Variants in MKLN1 observed in about 807,000 individuals in gnomAD.
MKLN1 encodes the protein muskelin 1.
MKLN1 carries 18 observed loss-of-function variants against 99.0 expected under a neutral mutation model. That is an observed-to-expected ratio of 0.18 (90% confidence interval 0.13 to 0.27). The LOEUF is 0.27. Among genes scored for constraint, MKLN1 ranks in the 10% least tolerant of loss-of-function variants. The pLI, the probability that MKLN1 is intolerant of heterozygous loss-of-function variation, is 1.00. For missense variants in MKLN1, 621 were observed against 875.9 expected (o/e 0.71, Z 3.67); for synonymous variants, 288 against 293.2 (o/e 0.98, Z 0.18).
intron 3 of MKLN1, among the ~76,000 whole-genome samples, chr7:131,282,179 A>G (rs978950670): frequency 6.6e-6 from 1 of 151,690 alleles, no homozygotes; most frequent in Non-Finnish European, 1.5e-5. Flanking sequence ...GAGAAACTTC[A>G]TCTCTACTAA....
At chr7:131,325,458 G>A (rs1798865913), upstream of MKLN1, among the ~76,000 whole-genome samples, 1 of 152,128 alleles carries the variant, frequency 6.6e-6, no homozygotes, top group Non-Finnish European at 1.5e-5. Flanking sequence ...TGGGAGGCCA[G>A]GCCGAGGCAG....
intron 2 of MKLN1, among the ~76,000 whole-genome samples, chr7:131,171,354 A>C (rs562983524): frequency 6.6e-5 from 10 of 152,392 alleles, no homozygotes; most frequent in Non-Finnish European, 1.2e-4. Flanking sequence ...GCAAATTGGA[A>C]GAAGGGCAAT....
At chr7:131,144,410 A>C (rs891083503) in intron 2 of MKLN1, among the ~76,000 whole-genome samples, 1 of 151,454 alleles carries the variant, frequency 6.6e-6, no homozygotes, top group South Asian at 2.1e-4. Context: ...TGAACCTGGG[A>C]GGCGGAACTT....
chr7:131,225,174 T>C (rs2116461265), intron 3 of MKLN1, among the ~76,000 whole-genome samples: 1 of 152,130 alleles, frequency 6.6e-6, no homozygotes, highest in African/African-American at 2.4e-5. Context: ...CTCATGAACA[T>C]GTGGAATTTG....
chr7:131,250,589 G>A (rs1202299303), intron 3 of MKLN1, among the ~76,000 whole-genome samples: 3 of 152,168 alleles, frequency 2.0e-5, no homozygotes, highest in South Asian at 2.1e-4. Context: ...AGAGCCTTGG[G>A]TCACAAGGCT....
rs528696857 is a variant in MKLN1, at chr7:131,148,688, A to C, written c.-297+5747A>C. On this transcript the variant is annotated intron_variant, in intron 2 of 7. Coordinates refer to the MKLN1 transcript ENST00000416992. ...CTTGGGAGGCTGAAGTGGAAGAATCACTTGAACCCCAGGAGGTCAAGGCTG... is the reference window on the plus strand; with the variant it reads ...CTTGGGAGGCTGAAGTGGAAGAATCCCTTGAACCCCAGGAGGTCAAGGCTG... Among the ~76,000 whole-genome samples, 39 of 152,246 alleles carry C rather than the reference A, an allele frequency of 2.6e-4. 1 individual carries two copies. The highest frequency in any genetic ancestry group is 6.5e-4 in the Admixed American group (10 of 15,288).
chr7:131,118,872 GC>G, intron 1 of MKLN1, among the ~76,000 whole-genome samples: 1 of 152,288 alleles, frequency 6.6e-6, no homozygotes, highest in African/African-American at 2.4e-5. Context: ...CCAGGTCCCT[GC>G]CCTAACATTG....
chr7:131,378,601 G>A (rs971540305), intron 2 of MKLN1, among the ~76,000 whole-genome samples: 29 of 152,132 alleles, frequency 1.9e-4, no homozygotes, highest in African/African-American at 6.8e-4. Flanking sequence ...AGGCCAAGAC[G>A]GGTGGATCAC....
At chr7:131,262,042 T>C (rs1360957058) in intron 3 of MKLN1, among the ~76,000 whole-genome samples, 1 of 152,166 alleles carries the variant, frequency 6.6e-6, no homozygotes, top group Admixed American at 6.5e-5. Context: ...TTGGGTACTA[T>C]GCGTATTATC....
intron 3 of MKLN1, among the ~76,000 whole-genome samples, chr7:131,313,959 G>C (rs529100090): frequency 1.3e-5 from 2 of 152,212 alleles, no homozygotes; most frequent in African/African-American, 4.8e-5. Flanking sequence ...ATGGGACTGG[G>C]CTATGCAACA....
intron 2 of MKLN1, among the ~76,000 whole-genome samples, chr7:131,184,084 G>A (rs1161963571): frequency 6.6e-6 from 1 of 152,056 alleles, no homozygotes; most frequent in East Asian, 1.9e-4. Flanking sequence ...TACTCAGAGA[G>A]ACCATAGACT....
chr7:131,290,915 C>T (rs1313213226), intron 3 of MKLN1, among the ~76,000 whole-genome samples: 2 of 152,026 alleles, frequency 1.3e-5, no homozygotes, highest in African/African-American at 4.8e-5. Context: ...TATGGAAAGA[C>T]AAGAAGTAAT....
chr7:131,347,629 AAG>A (rs1278545134), intron 1 of MKLN1, among the ~76,000 whole-genome samples: 1 of 152,168 alleles, frequency 6.6e-6, no homozygotes, highest in Non-Finnish European at 1.5e-5. Context: ...AGGAGACAAA[AAG>A]AGTGAATTTA....
chr7:131,422,140 C>G (rs1055338430), intron 8 of MKLN1, among the ~76,000 whole-genome samples: 1 of 152,168 alleles, frequency 6.6e-6, no homozygotes, highest in Admixed American at 6.5e-5. Context: ...TTTTCTAGCA[C>G]AAGGATTCTT....
At chr7:131,318,043 C>G (rs1163581290) in intron 3 of MKLN1, among the ~76,000 whole-genome samples, 1 of 152,110 alleles carries the variant, frequency 6.6e-6, no homozygotes, top group Non-Finnish European at 1.5e-5. Context: ...CAATATTAGA[C>G]AGATCAACAA....
At chr7:131,338,624 T>C (rs1398545192) in intron 1 of MKLN1, among the ~76,000 whole-genome samples, 3 of 152,238 alleles carry the variant, frequency 2.0e-5, no homozygotes, top group Non-Finnish European at 4.4e-5. Flanking sequence ...GAAATCTTTC[T>C]GTGTTTAGTT....
chr7:131,140,783 T>TG (rs1795719592), intron 1 of MKLN1, among the ~76,000 whole-genome samples: 3 of 151,546 alleles, frequency 2.0e-5, no homozygotes, highest in Admixed American at 6.6e-5. Flanking sequence ...CCTTTTTTTT[T>TG]TTGTTTTGTT....
Position 131,432,905 on chromosome 7 carries a change from A to G in MKLN1, c.960+3760A>G, listed in dbSNP as rs1046780756. Among the ~76,000 whole-genome samples, 8 of 152,204 alleles carry G rather than the reference A, an allele frequency of 5.3e-5. No homozygotes were observed. In the South Asian group the frequency reaches 1.7e-3, roughly 31 times the overall value. On this transcript the variant is annotated intron_variant, in intron 9 of 17. Transcript: ENST00000352689. Reference sequence around the variant, plus strand: ...CTCATAAGAGAATAAGAGTGAAAAGACAAATTTTTTTGTTAGTCATGTAAA... The same window carrying G: ...CTCATAAGAGAATAAGAGTGAAAAGGCAAATTTTTTTGTTAGTCATGTAAA...
intron 9 of MKLN1, among the ~76,000 whole-genome samples, chr7:131,437,344 T>C (rs1049089742): frequency 6.6e-6 from 1 of 152,206 alleles, no homozygotes; most frequent in Non-Finnish European, 1.5e-5. Context: ...CTAAATATTC[T>C]TGGAGTACCT....
Sources: gnomAD v4.1 joint callset for allele counts (sites outside exome capture counted in the v4.1 genomes callset) on GRCh38, gnomAD v4.1.1 for gene constraint, MANE v1.5 for transcripts, NCBI Gene and HGNC (gene_info 2026-07-23, HGNC 2026-07-21) for gene names.